DNAH8: variants seen among roughly 807,000 people sequenced by gnomAD.
The protein encoded by DNAH8 is dynein axonemal heavy chain 8.
Under a neutral mutation model 562.1 loss-of-function variants are expected in DNAH8, and 382 were observed. That is an observed-to-expected ratio of 0.68 (90% CI 0.63 to 0.74). The LOEUF is 0.74. Ranked by LOEUF, DNAH8 falls within the 30% of genes least tolerant of loss-of-function variation. The probability of loss-of-function intolerance (pLI) is 0.00; values close to 1 mark genes in which losing one functional copy is unlikely to be tolerated. For synonymous variants in DNAH8, 1,881 were observed against 1,919.4 expected (o/e 0.98, Z 0.52); for missense variants, 5,203 against 5,620.4 (o/e 0.93, Z 2.37).
intron 11 of DNAH8, among the ~76,000 whole-genome samples, chr6:38,767,285 A>C (rs1258523536): frequency 1.3e-5 from 2 of 152,122 alleles, no homozygotes; most frequent in Admixed American, 6.6e-5. Context: ...AAAAATACAA[A>C]AATTAGCTGG....
rs116357802 is a variant in DNAH8, at chr6:38,738,957, G to A, written c.1116+985G>A. Among the ~76,000 whole-genome samples, 302 of 152,226 alleles carry A rather than the reference G, an allele frequency of 2.0e-3. 1 individual carries two copies. The highest frequency in any genetic ancestry group is 6.7e-3 in the African/African-American group (278 of 41,530). Reference sequence around the variant, plus strand: ...TTTTTAATTGTTGCCAATATGTTGAGTGTGAAATGATATCTTGGTTTACTT... The same window carrying A: ...TTTTTAATTGTTGCCAATATGTTGAATGTGAAATGATATCTTGGTTTACTT... On this transcript the variant is annotated intron_variant, in intron 7 of 92. Coordinates refer to ENST00000327475, the MANE Select transcript of DNAH8 (RefSeq NM_001206927.2).
At chr6:38,722,415 G>A (rs1762823847) in intron 1 of DNAH8, among the ~76,000 whole-genome samples, 1 of 152,008 alleles carries the variant, frequency 6.6e-6, no homozygotes, top group Non-Finnish European at 1.5e-5. Context: ...CTAATTCAGT[G>A]GCTCTCATCT....
chr6:38,980,683 G>A (rs1181571836), intron 85 of DNAH8, among the ~76,000 whole-genome samples: 2 of 152,152 alleles, frequency 1.3e-5, no homozygotes, highest in African/African-American at 4.8e-5. Flanking sequence ...TCTAATGCCT[G>A]ACAACCTTAA....
rs1782583479 is a variant in DNAH8 at position 38,931,985 on chromosome 6, G to A, written c.11449G>A (p.Glu3817Lys). The change falls in exon 76 of 93, where the codon GAG (glutamate) becomes AAG (lysine). Residue 3817 changes from glutamate (E) to lysine (K), a missense_variant. Coordinates refer to ENST00000327475, the MANE Select transcript of DNAH8 (RefSeq NM_001206927.2). ...NQLLRRVILT[E>K]KQELEAERVK... ...GTTACTAAGGAGAGTCATTCTAACA[G>A]AGAAACAGGTAATCTCTCTCTCAAG... The A allele has an allele frequency of 1.9e-6, 3 of 1,583,748 alleles. No homozygotes were observed. The highest frequency in any genetic ancestry group is 2.7e-5 in the African/African-American group (2 of 73,484).
chr6:38,945,403 A>G, intron 79 of DNAH8, 64 bp from the exon 80 acceptor site: 2 of 1,538,036 alleles, frequency 1.3e-6, no homozygotes, highest in Non-Finnish European at 1.8e-6. Flanking sequence ...ATTATTTGAA[A>G]AGTACATTTC....
intron 11 of DNAH8, 36 bp downstream of exon 11, chr6:38,761,839 C>T (rs754632906): frequency 7.8e-7 from 1 of 1,286,084 alleles, no homozygotes; most frequent in South Asian, 1.4e-5. Context: ...TAAACTAAAT[C>T]TTTTCCCATC....
chr6:38,890,046 G>A (rs1281285695), intron 57 of DNAH8, among the ~76,000 whole-genome samples: 1 of 152,138 alleles, frequency 6.6e-6, no homozygotes, highest in East Asian at 1.9e-4. Context: ...GTCTTTCTGA[G>A]AGTCATAATG....
intron 11 of DNAH8, chr6:38,763,913 A>C (rs1766752556): frequency 6.5e-6 from 1 of 153,722 alleles, no homozygotes; most frequent in Non-Finnish European, 1.5e-5. Flanking sequence ...TGAATAGCTA[A>C]GGAGAAAGAA....
At chr6:38,766,937 T>G (rs2127616521) in intron 11 of DNAH8, among the ~76,000 whole-genome samples, 1 of 152,332 alleles carries the variant, frequency 6.6e-6, no homozygotes, top group East Asian at 1.9e-4. Flanking sequence ...ATCGACATTT[T>G]CTTTGTGAAA....
In DNAH8 at chr6:38,873,360, G is replaced by A; in HGVS notation, c.7604G>A (p.Cys2535Tyr). ...NLNPKMQLLE[C>Y]NYIVQSLNLL... ...AATCCCAAAATGCAGCTCTTGGAGTGCAACTATATTGTGCAAGTAAGATTT... is the reference window on the plus strand; with the variant it reads ...AATCCCAAAATGCAGCTCTTGGAGTACAACTATATTGTGCAAGTAAGATTT... The change falls in exon 52 of 93, where the codon TGC (cysteine) becomes TAC (tyrosine). Residue 2535 changes from cysteine to tyrosine, a missense_variant. Around this residue, in one of 6 missense-constraint regions of DNAH8, gnomAD observed 977 missense variants for 1,061.8 expected, o/e 0.92. Coordinates refer to ENST00000327475, the MANE Select transcript of DNAH8 (RefSeq NM_001206927.2). The A allele has an allele frequency of 9.4e-6, 15 of 1,598,102 alleles. No homozygotes were observed. Among genetic ancestry groups the A allele is most frequent in the Non-Finnish European group, 1.2e-5 (14 of 1,176,300 alleles).
At position 38,842,745 on chromosome 6, in the gene DNAH8, T is replaced by A; in HGVS notation, c.4687T>A (p.Cys1563Ser). ...KKRIDDFSES[C>S]PLLEMMTNKA... ...GAGAATTGATGATTTCAGTGAGTCA[T>A]GTCCTCTACTGGAAATGATGACCAA... The change falls in exon 35 of 93, where the codon TGT becomes AGT. Residue 1563 changes from cysteine (C) to serine (S), a missense_variant. By Grantham distance (112) the Cys-to-Ser change is moderately radical. Coordinates refer to ENST00000327475, the MANE Select transcript of DNAH8 (RefSeq NM_001206927.2). 1 of 1,613,974 alleles carries A rather than the reference T, an allele frequency of 6.2e-7. No individual in the cohort carries two copies.
intron 91 of DNAH8, among the ~76,000 whole-genome samples, chr6:39,016,250 T>TA (rs35618746): frequency 0.15 from 22,256 of 151,350 alleles, 1,774 homozygotes; most frequent in Middle Eastern, 0.2. Context: ...TAAATGGCTT[T>TA]AAATAAAAAA....
chr6:38,859,538 G>A (rs1776447843), intron 42 of DNAH8, among the ~76,000 whole-genome samples: 1 of 152,228 alleles, frequency 6.6e-6, no homozygotes, highest in South Asian at 2.1e-4. Flanking sequence ...GGATTTAAGA[G>A]CAGTGAAGGG....
Position 38,947,808 on chromosome 6 carries a change from C to T in DNAH8, c.12130-1644C>T, listed in dbSNP as rs147748725. 4.8e-3 allele frequency among the ~76,000 whole-genome samples: 722 copies of T among 151,572 alleles called. 5 individuals are homozygous for T. The highest frequency in any genetic ancestry group is 0.017 in the African/African-American group (685 of 41,258). On this transcript the variant is annotated intron_variant, in intron 80 of 92. Coordinates refer to ENST00000327475, the MANE Select transcript of DNAH8 (RefSeq NM_001206927.2). ...TGTTGCCCAGGCTGGAGTGCAATGG[C>T]GCAATCTCAGCTCACTGCAACCTCC...
intron 88 of DNAH8, among the ~76,000 whole-genome samples, chr6:39,003,132 C>T (rs1469780331): frequency 6.6e-6 from 1 of 152,184 alleles, no homozygotes; most frequent in Non-Finnish European, 1.5e-5. Context: ...GGTTAACTTT[C>T]CCAGCAGCCT....
chr6:38,917,261 C>T lies in DNAH8; in HGVS notation c.10163C>T (p.Ala3388Val). 1 of 1,611,806 alleles carries T rather than the reference C, an allele frequency of 6.2e-7. No homozygotes were observed. Among genetic ancestry groups the T allele is most frequent in the South Asian group, 1.1e-5 (1 of 90,556 alleles). The change falls in exon 69 of 93, where the codon GCC becomes GTC. Residue 3388 changes from alanine to valine, a missense_variant. This residue lies in a region of DNAH8 where 87 missense variants were observed against 144.9 expected (regional missense o/e 0.60). Transcript: ENST00000327475. ...TAGACTATCAAGCCAAATGATATTG[C>T]CACAGTCAGGAAACTTGCAAAACCA... ...ALNTIKPNDI[A>V]TVRKLAKPPH... is the part of the protein sequence containing the mutation.
chr6:38,932,979 T>C (rs1782671024), intron 76 of DNAH8: 1 of 152,302 alleles, frequency 6.6e-6, no homozygotes, highest in Non-Finnish European at 1.5e-5. Context: ...AGTTGTTTGA[T>C]CTTGGTTTCC....
chr6:38,921,540 G>A (rs1444663844), intron 71 of DNAH8, 34 bp downstream of exon 71: 1 of 1,597,320 alleles, frequency 6.3e-7, no homozygotes, highest in Non-Finnish European at 8.5e-7. Flanking sequence ...CCAAAATGGT[G>A]TACTGAAACT....
intron 21 of DNAH8, among the ~76,000 whole-genome samples, chr6:38,792,811 C>T (rs1411668961): frequency 6.6e-6 from 1 of 152,162 alleles, no homozygotes; most frequent in African/African-American, 2.4e-5. Flanking sequence ...CAGGGTCTTG[C>T]TCTGTCACTC....
Sources: allele counts gnomAD v4.1 joint callset (sites outside exome capture counted in the v4.1 genomes callset), GRCh38; gene constraint gnomAD v4.1.1; regional missense constraint gnomAD v4.1.1; transcripts MANE v1.5; gene names NCBI Gene and HGNC (gene_info 2026-07-23, HGNC 2026-07-21).